Variants in GRID2IP observed in about 807,000 individuals in gnomAD.
GRID2IP encodes the protein Grid2 interacting protein.
GRID2IP carries 78 observed loss-of-function variants against 114.3 expected under a neutral mutation model. The observed-to-expected ratio is 0.68, with a 90% CI of 0.57 to 0.82. The LOEUF is 0.82. Ranked by LOEUF, GRID2IP falls within the 40% of genes least tolerant of loss-of-function variation. The probability of loss-of-function intolerance (pLI) is 0.00; values close to 1 mark genes in which losing one functional copy is unlikely to be tolerated. For missense variants in GRID2IP, 1,727 were observed against 1,678.5 expected, an observed-to-expected ratio of 1.03 and a Z score of -0.51; for synonymous variants, 809 against 724.0, an observed-to-expected ratio of 1.12 and a Z score of -1.89.
At chr7:6,504,643 T>TGGGGCCTGGGAG (rs1447306997) in intron 15 of GRID2IP, 150 bp downstream of exon 15, 1 of 642,094 alleles carries the variant, frequency 1.6e-6, no homozygotes, top group Non-Finnish European at 2.8e-6. Context: ...TGGCTGGCTA[T>TGGGGCCTGGGAG]GGGGCCTGGG....
At position 6,523,812 on chromosome 7, in the gene GRID2IP, C is replaced by T. The variant is rs1193424897; in HGVS notation, c.920-1855G>A. On this transcript the variant is annotated intron_variant, in intron 4 of 21. Transcript: ENST00000457091. The surrounding 1 kb of genome is among the most constrained non-coding windows in gnomAD (Gnocchi z 4.5). ...GTGCTGGGATTACAAGTGTGAGCCA[C>T]TGCACCCAGCCACACCTGGATTCTA... is the stretch of plus-strand genomic sequence containing the variant. Among the ~76,000 whole-genome samples the T allele has an allele frequency of 6.6e-6, 1 of 152,172 alleles. No homozygotes were observed. The highest frequency in any genetic ancestry group is 1.5e-5 in the Non-Finnish European group (1 of 68,040).
chr7:6,522,859 G>A (rs1779439785), intron 4 of GRID2IP, among the ~76,000 whole-genome samples: 1 of 149,852 alleles, frequency 6.7e-6, no homozygotes, highest in Non-Finnish European at 1.5e-5. Flanking sequence ...TAGAGATGAG[G>A]TTTCGCCATA....
chr7:6,502,714 C>A, intron 18 of GRID2IP, 72 bp downstream of exon 18: 3 of 1,131,124 alleles, frequency 2.7e-6, no homozygotes, highest in South Asian at 1.3e-5. Flanking sequence ...TCTGCCACAA[C>A]TGAGCTAGGC....
intron 1 of GRID2IP, among the ~76,000 whole-genome samples, chr7:6,550,421 C>T (rs1779956191): frequency 6.6e-6 from 1 of 151,884 alleles, no homozygotes; most frequent in South Asian, 2.1e-4. Flanking sequence ...GGTGGTTATT[C>T]AAGGGTGCAT....
At chr7:6,541,433 C>T (rs1184031261) in intron 1 of GRID2IP, among the ~76,000 whole-genome samples, 2 of 152,140 alleles carry the variant, frequency 1.3e-5, no homozygotes, top group Non-Finnish European at 2.9e-5. Flanking sequence ...TCTGACTCCA[C>T]AAAAAAAGTC....
intron 2 of GRID2IP, chr7:6,531,193 C>T (rs1779616073): frequency 4.3e-6 from 2 of 460,612 alleles, no homozygotes; most frequent in Non-Finnish European, 7.7e-6. Flanking sequence ...CTCCACGCAC[C>T]TCTGCCCTGC....
chr7:6,509,344 C>T lies in GRID2IP; in HGVS notation c.1772-31G>A, dbSNP rs1345937797. 2.1e-6 allele frequency: 3 copies of T among 1,460,108 alleles called. No homozygotes were observed. The highest frequency in any genetic ancestry group is 1.8e-6 in the Non-Finnish European group (2 of 1,102,340). 90.4% of individuals were successfully genotyped at this position (1,460,108 alleles called of 1,614,324 possible). On this transcript the variant is annotated intron_variant, in intron 11 of 21. Transcript: ENST00000457091. This position sits in a 1 kb window ranked among gnomAD's most constrained non-coding sequence, Gnocchi z 4.9. ...GGAGGGATGGAGTATGAGGATTCCT[C>T]TTCAGCCAGCACCGAGGTTCCAGGT...
At chr7:6,503,874 T>G (rs1303017706) in intron 15 of GRID2IP, among the ~76,000 whole-genome samples, 187 bp from the exon 16 acceptor site, 4 of 147,158 alleles carry the variant, frequency 2.7e-5, no homozygotes, top group African/African-American at 1.0e-4. Flanking sequence ...CTGAGGCGGC[T>G]CCCGAATGGG....
chr7:6,518,941 C>T (rs992199446), intron 7 of GRID2IP, among the ~76,000 whole-genome samples: 23 of 151,364 alleles, frequency 1.5e-4, no homozygotes, highest in Admixed American at 5.3e-4. Flanking sequence ...TTTTTTGAGA[C>T]GAAGTCTCAT....
Position 6,497,232 on chromosome 7 carries a change from C to T in GRID2IP, c.*542G>A, listed in dbSNP as rs994193360. Among the ~76,000 whole-genome samples the T allele has an allele frequency of 1.3e-5, 2 of 152,356 alleles. No homozygotes were observed. The highest frequency in any genetic ancestry group is 1.3e-4 in the Admixed American group (2 of 15,306). On this transcript the variant is annotated 3_prime_UTR_variant, in exon 22 of 22. Coordinates refer to ENST00000457091, the MANE Select transcript of GRID2IP (RefSeq NM_001145118.2). ...TCTTCCTTCTCCAGTCCTTCCTTCC[C>T]TGCGTCTCTCCCAGGCTTCTCTCTT...
At position 6,526,433 on chromosome 7, in the gene GRID2IP, C is replaced by A; in HGVS notation, c.833+88G>T. 6.7e-7 allele frequency: 1 copy of A among 1,498,060 alleles called. No homozygotes were observed. The highest frequency in any genetic ancestry group is 2.0e-5 in the Admixed American group (1 of 49,238). 92.8% of individuals were successfully genotyped at this position (1,498,060 alleles called of 1,614,324 possible). ...CCCCCTATGCACCCCAGATGCCCAG[C>A]CCCGCCCCTACGCCCTCTCCCCGGG... is the stretch of plus-strand genomic sequence containing the variant. On this transcript the variant is annotated intron_variant, in intron 3 of 21. Coordinates refer to ENST00000457091, the MANE Select transcript of GRID2IP (RefSeq NM_001145118.2). This position sits in a 1 kb window ranked among gnomAD's most constrained non-coding sequence, Gnocchi z 7.6.
rs1240451741 is a variant in GRID2IP at position 6,503,623 on chromosome 7, C to T, written c.2775G>A (p.Glu925=). 11 of 1,528,488 alleles carry T rather than the reference C, an allele frequency of 7.2e-6. No homozygotes were observed. Among genetic ancestry groups the T allele is most frequent in the African/African-American group, 2.8e-5 (2 of 71,810 alleles). 94.7% of individuals were successfully genotyped at this position (1,528,488 alleles called of 1,614,324 possible). A position where few individuals can be genotyped will look rare whatever the true frequency, so the allele number is the denominator to read the frequency against. ...AELRQVLMSM[E]PRRLEPAHLA... ...GATGTGCGGGCTCCAGGCGCCGGGG[C>T]TCCATGCTCATCAGCACCTGGCGCA... Residue 925 remains glutamate (E), a synonymous_variant, in exon 16 of 22, where the codon GAG becomes GAA. Coordinates refer to ENST00000457091, the MANE Select transcript of GRID2IP (RefSeq NM_001145118.2).
chr7:6,525,669 G>T (rs1779496004), intron 4 of GRID2IP, among the ~76,000 whole-genome samples: 1 of 152,144 alleles, frequency 6.6e-6, no homozygotes, highest in African/African-American at 2.4e-5. Context: ...AAGATGCCAT[G>T]ATTTCAGGAA....
chr7:6,550,968 C>G (rs1284559936), intron 1 of GRID2IP, 40 bp downstream of exon 1: 1 of 1,171,160 alleles, frequency 8.5e-7, no homozygotes, highest in African/African-American at 1.6e-5. Flanking sequence ...CATTATGAGC[C>G]CCCTCCTTCC....
At chr7:6,503,849 G>C (rs996977173) in intron 15 of GRID2IP, among the ~76,000 whole-genome samples, 162 bp from the exon 16 acceptor site, 1 of 151,858 alleles carries the variant, frequency 6.6e-6, no homozygotes, top group African/African-American at 2.4e-5. Context: ...ACGCGGACGG[G>C]GACAAGAGGC....
In GRID2IP at chr7:6,511,023, C is replaced by T; in HGVS notation, c.1440G>A (p.Glu480=). ...GCGTGGGCTCGGACTCCAGGTCCAG[C>T]TCAGGCTCCGGCTCTGCTGTGGGAC... is the stretch of plus-strand genomic sequence containing the variant. ...YTAMTAEPEP[E]LDLESEPTPE... is the part of the protein sequence containing the mutation. Residue 480 remains glutamate (E), a synonymous_variant, in exon 9 of 22, where the codon GAG becomes GAA. Transcript: ENST00000457091. The T allele has an allele frequency of 1.4e-6, 2 of 1,479,452 alleles. No homozygotes were observed. The highest frequency in any genetic ancestry group is 1.8e-6 in the Non-Finnish European group (2 of 1,113,850). The allele number at this position is 1,479,452 out of a possible 1,614,324, so 91.6% of individuals were successfully genotyped here.
rs1342165828 is a variant in GRID2IP at position 6,520,360 on chromosome 7, C to G, written c.1268+218G>C. Among the ~76,000 whole-genome samples the G allele has an allele frequency of 6.6e-6, 1 of 152,140 alleles. No homozygotes were observed. The highest frequency in any genetic ancestry group is 1.5e-5 in the Non-Finnish European group (1 of 68,016). On this transcript the variant is annotated intron_variant, in intron 7 of 21. Coordinates refer to ENST00000457091, the MANE Select transcript of GRID2IP (RefSeq NM_001145118.2). This position sits in a 1 kb window ranked among gnomAD's most constrained non-coding sequence, Gnocchi z 4.6. ...CTTCACAGAGAAGGCTGAGACTCGC[C>G]CAAGGTCACGTGACTAGGAGGTGTC...
At chr7:6,512,231 C>CTTTTTTTTTTTTTT (rs1002835555) in intron 8 of GRID2IP, among the ~76,000 whole-genome samples, 920 of 90,156 alleles carry the variant, frequency 0.01, 108 homozygotes, top group Non-Finnish European at 0.014. Flanking sequence ...TTCTTTTCTT[C>CTTTTTTTTTTTTTT]TTTTTTTTTT....
chr7:6,536,900 C>T lies in GRID2IP; in HGVS notation c.584+2818G>A, dbSNP rs1779734125. 2.9e-5 allele frequency: 5 copies of T among 172,782 alleles called. No homozygotes were observed. The highest frequency in any genetic ancestry group is 7.7e-5 in the Admixed American group (1 of 12,988). The allele number at this position is 172,782 out of a possible 1,614,324, so 10.7% of individuals were successfully genotyped here. On this transcript the variant is annotated intron_variant, in intron 2 of 21. Coordinates refer to ENST00000457091, the MANE Select transcript of GRID2IP (RefSeq NM_001145118.2). The surrounding 1 kb of genome is among the most constrained non-coding windows in gnomAD (Gnocchi z 5.3). ...CTCCGCTGCAGAGCCGAGAGCTGCG[C>T]CGGGGCTGGGGTGGGCGGGGGGGCG...
Sources: allele counts gnomAD v4.1 joint callset (sites outside exome capture counted in the v4.1 genomes callset), GRCh38; gene constraint gnomAD v4.1.1; non-coding constraint Gnocchi (gnomAD v3.1); transcripts MANE v1.5; gene names NCBI Gene and HGNC (gene_info 2026-07-23, HGNC 2026-07-21).